The following TSPAN18 variants were observed in gnomAD, a reference collection of about 807,000 sequenced individuals.
TSPAN18 encodes the protein tetraspanin-18.
In TSPAN18, 14 loss-of-function variants were observed where a neutral mutation model predicts 27.3. That is an observed-to-expected ratio of 0.51 (90% confidence interval 0.34 to 0.80). TSPAN18 has a LOEUF of 0.80. Among genes scored for constraint, TSPAN18 ranks in the 30% least tolerant of loss-of-function variants. The pLI, the probability that TSPAN18 is intolerant of heterozygous loss-of-function variation, is 0.01. For synonymous variants in TSPAN18, 143 were observed against 136.5 expected, an observed-to-expected ratio of 1.05 and a Z score of -0.33; for missense variants, 268 against 323.9, an observed-to-expected ratio of 0.83 and a Z score of 1.32.
chr11:44,816,185 G>A (rs1856815141), intron 2 of TSPAN18, among the ~76,000 whole-genome samples: 1 of 152,168 alleles, frequency 6.6e-6, no homozygotes, highest in Non-Finnish European at 1.5e-5. Context: ...AGCTGCCAAG[G>A]CACTGGACTG....
At chr11:44,780,952 G>A (rs1855924303) in intron 2 of TSPAN18, among the ~76,000 whole-genome samples, 3 of 152,252 alleles carry the variant, frequency 2.0e-5, no homozygotes, top group Admixed American at 2.0e-4. Context: ...GAGCCTATCT[G>A]TGGAGTACCT....
At chr11:44,728,049 C>A (rs1854560035) in intron 1 of TSPAN18, among the ~76,000 whole-genome samples, 1 of 152,228 alleles carries the variant, frequency 6.6e-6, no homozygotes, top group African/African-American at 2.4e-5. Context: ...CAGCAGGAAG[C>A]GCGTTCTGGC....
intron 8 of TSPAN18, among the ~76,000 whole-genome samples, chr11:44,920,497 T>TC (rs1253027227): frequency 1.3e-5 from 2 of 152,172 alleles, no homozygotes; most frequent in East Asian, 3.9e-4. Flanking sequence ...CCTGAGGACT[T>TC]CCTCGCAGCC....
chr11:44,737,368 T>A (rs905544349), intron 1 of TSPAN18, among the ~76,000 whole-genome samples: 5 of 152,100 alleles, frequency 3.3e-5, no homozygotes, highest in Non-Finnish European at 2.9e-5. Flanking sequence ...AGTGGGAAGA[T>A]CACTTTCAGA....
At chr11:44,885,274 G>A (rs1057290004) in intron 3 of TSPAN18, among the ~76,000 whole-genome samples, 1 of 152,194 alleles carries the variant, frequency 6.6e-6, no homozygotes, top group South Asian at 2.1e-4. Flanking sequence ...GGTGAGCCAG[G>A]TGGGGATTTC....
At chr11:44,736,165 A>T (rs1232480248) in intron 1 of TSPAN18, 1 of 152,226 alleles carries the variant, frequency 6.6e-6, no homozygotes, top group Non-Finnish European at 1.5e-5. Context: ...CAGTAGGTTT[A>T]TATACCTACC....
At chr11:44,787,358 T>C (rs57078560) in intron 2 of TSPAN18, among the ~76,000 whole-genome samples, 2,705 of 152,318 alleles carry the variant, frequency 0.018, 83 homozygotes, top group African/African-American at 0.06. Context: ...AGAGTCACCT[T>C]ATGTGGATTC....
upstream of TSPAN18, chr11:44,726,896 A>AGGGAGGGCGGGGGAGGGGGGG (rs1554975329): frequency 4.6e-5 from 1 of 21,528 alleles, no homozygotes; most frequent in African/African-American, 2.1e-4. Flanking sequence ...GGGGAGGGGG[A>AGGGAGGGCGGGGGAGGGGGGG]GGGAGGGCGG....
chr11:44,865,193 G>A (rs569990944), intron 3 of TSPAN18, among the ~76,000 whole-genome samples: 1 of 152,316 alleles, frequency 6.6e-6, no homozygotes, highest in African/African-American at 2.4e-5. Flanking sequence ...AGCCTGGTGT[G>A]TACCCTGATT....
At chr11:44,884,148 A>G (rs903973494) in intron 3 of TSPAN18, among the ~76,000 whole-genome samples, 1 of 151,886 alleles carries the variant, frequency 6.6e-6, no homozygotes, top group African/African-American at 2.4e-5. Flanking sequence ...TCTAATTGCT[A>G]TTGGGCCTCA....
intron 4 of TSPAN18, among the ~76,000 whole-genome samples, chr11:44,907,906 G>T (rs1859513037): frequency 6.6e-6 from 1 of 151,952 alleles, no homozygotes; most frequent in African/African-American, 2.4e-5. Context: ...AATACAAAAA[G>T]TAGCCATGCG....
intron 2 of TSPAN18, among the ~76,000 whole-genome samples, chr11:44,812,992 C>G (rs879270390): frequency 6.6e-6 from 1 of 152,230 alleles, no homozygotes; most frequent in African/African-American, 2.4e-5. Flanking sequence ...TCCCCGACAC[C>G]AGGCCTGCTC....
chr11:44,816,355 G>C (rs1462339558), intron 2 of TSPAN18, among the ~76,000 whole-genome samples: 1 of 152,240 alleles, frequency 6.6e-6, no homozygotes, highest in East Asian at 1.9e-4. Context: ...GACTGCATTG[G>C]ATATGCATGT....
chr11:44,750,061 A>G (rs1034435105), intron 1 of TSPAN18, among the ~76,000 whole-genome samples: 2 of 152,224 alleles, frequency 1.3e-5, no homozygotes, highest in African/African-American at 4.8e-5. Context: ...ATCCTTGGGG[A>G]ACCCATTTTG....
At chr11:44,882,587 G>GAGACACACACAC (rs1554997009) in intron 3 of TSPAN18, among the ~76,000 whole-genome samples, 13 of 130,862 alleles carry the variant, frequency 9.9e-5, no homozygotes, top group African/African-American at 3.6e-4. Context: ...CAGAGAGAGA[G>GAGACACACACAC]ACACACACAC....
At chr11:44,851,617 C>CCCT (rs1554991771) in intron 2 of TSPAN18, among the ~76,000 whole-genome samples, 1 of 146,196 alleles carries the variant, frequency 6.8e-6, no homozygotes, top group Admixed American at 6.8e-5. Context: ...TTGTCACCTC[C>CCCT]CCCCCCCAAC....
At chr11:44,779,960 C>T (rs769955349) in intron 2 of TSPAN18, among the ~76,000 whole-genome samples, 17 of 152,328 alleles carry the variant, frequency 1.1e-4, no homozygotes, top group Admixed American at 2.0e-4. Context: ...CATACCTACC[C>T]GCATCCCTGT....
chr11:44,862,879 A>C (rs1024278661), intron 3 of TSPAN18, among the ~76,000 whole-genome samples: 1 of 152,176 alleles, frequency 6.6e-6, no homozygotes, highest in Non-Finnish European at 1.5e-5. Context: ...GCCACTTGTC[A>C]TGGCCCTGGG....
At chr11:44,895,905 G>A (rs1315518901) in intron 3 of TSPAN18, among the ~76,000 whole-genome samples, 1 of 152,180 alleles carries the variant, frequency 6.6e-6, no homozygotes, top group Non-Finnish European at 1.5e-5. Flanking sequence ...TGGGCATGGG[G>A]TGCAGGCCCT....
Sources: gnomAD v4.1 joint callset for allele counts (sites outside exome capture counted in the v4.1 genomes callset) on GRCh38, gnomAD v4.1.1 for gene constraint, MANE v1.5 for transcripts, NCBI Gene and HGNC (gene_info 2026-07-23, HGNC 2026-07-21) for gene names.